PSMA1: variants seen among roughly 807,000 people sequenced by gnomAD.
PSMA1 encodes proteasome 20S subunit alpha 1, also known as proteasome subunit alpha type-1.
In PSMA1, 3 loss-of-function variants were observed where a neutral mutation model predicts 38.4. The ratio of observed to expected loss-of-function variants is 0.08; its 90% CI spans 0.04 to 0.20. The LOEUF (loss-of-function observed/expected upper bound fraction) is 0.20, where lower values mean the gene tolerates loss of function less well. PSMA1 is among the 10% of genes least tolerant of loss of function. The pLI is 1.00. For synonymous variants in PSMA1, 101 were observed against 107.1 expected, an observed-to-expected ratio of 0.94 and a Z score of 0.35; for missense variants, 227 against 325.3, an observed-to-expected ratio of 0.70 and a Z score of 2.32.
At chr11:14,611,291 A>C in intron 1 of PSMA1, 4 of 340,354 alleles carry the variant, frequency 1.2e-5, no homozygotes, top group Non-Finnish European at 5.3e-6. Flanking sequence ...AGTTACTCTA[A>C]TGGATGTTCC....
intron 1 of PSMA1, among the ~76,000 whole-genome samples, chr11:14,626,420 T>C (rs550354809): frequency 2.5e-4 from 38 of 152,332 alleles, no homozygotes; most frequent in African/African-American, 8.4e-4. Flanking sequence ...CTTAAATTCT[T>C]GAAACCGTAT....
chr11:14,543,503 G>A (rs1319495163), intron 2 of PSMA1, among the ~76,000 whole-genome samples: 2 of 151,388 alleles, frequency 1.3e-5, no homozygotes, highest in East Asian at 3.9e-4. Context: ...CTATCACCAT[G>A]ATCTAATTTT....
At chr11:14,540,271 C>T (rs1851758910) in intron 2 of PSMA1, among the ~76,000 whole-genome samples, 1 of 152,178 alleles carries the variant, frequency 6.6e-6, no homozygotes, top group South Asian at 2.1e-4. Flanking sequence ...AACTGGAACT[C>T]TCCATCCAGC....
chr11:14,561,621 A>T (rs984196034), intron 2 of PSMA1, among the ~76,000 whole-genome samples: 1,762 of 152,072 alleles, frequency 0.012, 31 homozygotes, highest in African/African-American at 0.04. Context: ...CATGTTACCT[A>T]CCCACCCATT....
At chr11:14,552,929 C>A (rs1458680430) in intron 2 of PSMA1, among the ~76,000 whole-genome samples, 1 of 150,264 alleles carries the variant, frequency 6.7e-6, no homozygotes, top group African/African-American at 2.5e-5. Context: ...TGGGCTCGAG[C>A]AATCCCTACA....
At chr11:14,600,047 T>A (rs957807885) in intron 2 of PSMA1, among the ~76,000 whole-genome samples, 1 of 152,186 alleles carries the variant, frequency 6.6e-6, no homozygotes, top group African/African-American at 2.4e-5. Context: ...CTCCAGACCC[T>A]ATTTGCCTGG....
chr11:14,577,393 A>ATAC (rs201447313), intron 2 of PSMA1, among the ~76,000 whole-genome samples: 1,763 of 152,196 alleles, frequency 0.012, 31 homozygotes, highest in African/African-American at 0.04. Flanking sequence ...ACATGCTTTA[A>ATAC]TACTACTACT....
Position 14,569,413 on chromosome 11 carries a change from T to C in PSMA1, c.21+41553A>G, listed in dbSNP as rs1589995121. ...GCATGAGGTGAAGCAGGGTGGGGCA[T>C]TACCTCACCTGGGAAGTGCAAGGGA... On this transcript the variant is annotated intron_variant, in intron 2 of 10. Transcript: ENST00000418988. Among the ~76,000 whole-genome samples the C allele has an allele frequency of 2.6e-5, 4 of 152,112 alleles. No individual in the cohort carries two copies. The East Asian group carries it at 5.8e-4, about 22-fold the overall frequency.
upstream of PSMA1, among the ~76,000 whole-genome samples, chr11:14,525,252 C>T (rs112823545): frequency 1.3e-5 from 2 of 152,112 alleles, no homozygotes; most frequent in African/African-American, 4.8e-5. Flanking sequence ...ATCTGCTTCC[C>T]TGATTATTCC....
chr11:14,639,866 C>A lies in PSMA1; in HGVS notation c.-166+3589G>T, dbSNP rs117722199. 9.6e-4 allele frequency among the ~76,000 whole-genome samples: 146 copies of A among 152,296 alleles called. 1 individual carries two copies. The highest frequency in any genetic ancestry group is 1.9e-3 in the South Asian group (9 of 4,828). ...TCTCTGAGTCCTCCAGAGCATTACT[C>A]CTTACCTGCTACTCCTACTGTAGTC... is the stretch of plus-strand genomic sequence containing the variant. On this transcript the variant is annotated intron_variant, in intron 1 of 10. Coordinates refer to the PSMA1 transcript ENST00000418988.
chr11:14,611,115 C>G, exon 2 of PSMA1: 1 of 848,934 alleles, frequency 1.2e-6, no homozygotes, highest in Non-Finnish European at 1.9e-6. Flanking sequence ...TTGCTGAGAG[C>G]TGACCATGAA....
At chr11:14,600,257 G>GGAGAACCACTGCTCTCTTCAGAGCTAT (rs1482506648) in intron 2 of PSMA1, among the ~76,000 whole-genome samples, 1 of 152,204 alleles carries the variant, frequency 6.6e-6, no homozygotes, top group Non-Finnish European at 1.5e-5. Context: ...CGCTATGCTG[G>GGAGAACCACTGCTCTCTTCAGAGCTAT]GAGAACCACT....
At chr11:14,598,554 G>T (rs1852533354) in intron 2 of PSMA1, among the ~76,000 whole-genome samples, 1 of 149,170 alleles carries the variant, frequency 6.7e-6, no homozygotes, top group African/African-American at 2.5e-5. Context: ...TTTTATCAGA[G>T]ACTAGGATTG....
At chr11:14,544,628 T>C (rs903986988) in intron 2 of PSMA1, among the ~76,000 whole-genome samples, 1 of 152,142 alleles carries the variant, frequency 6.6e-6, no homozygotes, top group Non-Finnish European at 1.5e-5. Flanking sequence ...TACAATGAAA[T>C]ACCACTTTAT....
At chr11:14,516,342 C>A (rs1438596534) in intron 4 of PSMA1, among the ~76,000 whole-genome samples, 9 of 152,122 alleles carry the variant, frequency 5.9e-5, no homozygotes, top group Admixed American at 5.9e-4. Flanking sequence ...GTAGCTAGGA[C>A]AACAGGTGTG....
intron 2 of PSMA1, among the ~76,000 whole-genome samples, chr11:14,538,066 G>C (rs1565039817): frequency 6.6e-6 from 1 of 152,072 alleles, no homozygotes; most frequent in Non-Finnish European, 1.5e-5. Flanking sequence ...ATTCATAAAA[G>C]TAACTGAGGG....
At chr11:14,601,239 C>G (rs1237965765) in intron 2 of PSMA1, among the ~76,000 whole-genome samples, 2 of 152,116 alleles carry the variant, frequency 1.3e-5, no homozygotes, top group Non-Finnish European at 2.9e-5. Context: ...GGGAGTGGGA[C>G]TTGTGTTGGA....
intron 4 of PSMA1, among the ~76,000 whole-genome samples, chr11:14,515,095 G>C (rs1851403474): frequency 2.0e-5 from 3 of 152,148 alleles, no homozygotes; most frequent in Non-Finnish European, 4.4e-5. Flanking sequence ...AGATAAACAA[G>C]AAATGGATAT....
intron 2 of PSMA1, among the ~76,000 whole-genome samples, chr11:14,556,217 T>C (rs1175048229): frequency 6.6e-6 from 1 of 152,248 alleles, no homozygotes; most frequent in East Asian, 1.9e-4. Context: ...ATGGAATGTG[T>C]ATTTCTTTGA....
Sources: gnomAD v4.1 joint callset for allele counts (sites outside exome capture counted in the v4.1 genomes callset) on GRCh38, gnomAD v4.1.1 for gene constraint, MANE v1.5 for transcripts, NCBI Gene and HGNC (gene_info 2026-07-23, HGNC 2026-07-21) for gene names.